PARG: variants seen among roughly 807,000 people sequenced by gnomAD.
PARG encodes mitochondrial poly(ADP-ribose) glycohydrolase.
PARG carries 35 observed loss-of-function variants against 113.0 expected under a neutral mutation model. The ratio of observed to expected loss-of-function variants is 0.31; its 90% CI spans 0.24 to 0.41. The LOEUF is 0.41. PARG is among the 10% of genes least tolerant of loss of function. The pLI is 1.00. For missense variants in PARG, 797 were observed against 1,169.4 expected, an observed-to-expected ratio of 0.68 and a Z score of 4.64; for synonymous variants, 330 against 409.9, an observed-to-expected ratio of 0.81 and a Z score of 2.36.
intron 13 of PARG, among the ~76,000 whole-genome samples, chr10:49,854,437 A>AC (rs1180534635): frequency 2.0e-5 from 3 of 152,264 alleles, no homozygotes; most frequent in Non-Finnish European, 4.4e-5. Flanking sequence ...CAATAGGCTA[A>AC]CCAAAAGCTT....
chr10:49,902,947 C>T (rs1193245552), intron 7 of PARG, among the ~76,000 whole-genome samples: 8 of 152,134 alleles, frequency 5.3e-5, no homozygotes, highest in Middle Eastern at 3.4e-3. Context: ...ATTCTCCTGC[C>T]TCAGCCTCCA....
At chr10:49,922,274 A>T in intron 6 of PARG, 62 bp downstream of exon 6, 1 of 1,534,136 alleles carries the variant, frequency 6.5e-7, no homozygotes, top group Non-Finnish European at 8.8e-7. Context: ...TTAAGACCAA[A>T]AAGTCTTTGA....
rs1338985834 is a variant in PARG at position 49,941,929 on chromosome 10, C to T, written c.-204G>A. 9.8e-7 allele frequency: 1 copy of T among 1,016,410 alleles called. No individual in the cohort carries two copies. Among genetic ancestry groups the T allele is most frequent in the African/African-American group, 1.6e-5 (1 of 63,110 alleles). 63.0% of individuals were successfully genotyped at this position (1,016,410 alleles called of 1,614,324 possible). ...GCCTGCCTTCCCTCTTCCACTGGCA[C>T]CCCACCTGCCTCAATGCGCCGCTTT... On this transcript the variant is annotated 5_prime_UTR_variant, in exon 1 of 18. It adds an upstream start codon to the 5' untranslated region. Transcript: ENST00000616448.
At position 49,853,841 on chromosome 10, in the gene PARG, T is replaced by C. The variant is rs1178662642; in HGVS notation, c.2353+3465A>G. On this transcript the variant is annotated intron_variant, in intron 13 of 17. Coordinates refer to ENST00000616448, the MANE Select transcript of PARG (RefSeq NM_003631.5). ...AGAATCACAGGGATAAAAATTTACATAGGATGTCTAAATGATGTAGAATAA... is the reference window on the plus strand; with the variant it reads ...AGAATCACAGGGATAAAAATTTACACAGGATGTCTAAATGATGTAGAATAA... 3.3e-5 allele frequency among the ~76,000 whole-genome samples: 5 copies of C among 152,320 alleles called. 1 individual carries two copies. The highest frequency in any genetic ancestry group is 9.6e-5 in the African/African-American group (4 of 41,568).
chr10:49,867,966 C>A (rs181674271), intron 10 of PARG, among the ~76,000 whole-genome samples: 5 of 152,164 alleles, frequency 3.3e-5, no homozygotes, highest in Admixed American at 3.3e-4. Flanking sequence ...TCTAATTAGA[C>A]CTAGAATAGC....
At chr10:49,911,437 T>C (rs1347462948) in intron 7 of PARG, among the ~76,000 whole-genome samples, 1 of 152,158 alleles carries the variant, frequency 6.6e-6, no homozygotes, top group East Asian at 1.9e-4. Flanking sequence ...CAGAAGTGTT[T>C]GAATTTAATT....
At chr10:49,920,475 TATATATATATATATATATATATAC>T (rs782352485) in intron 6 of PARG, among the ~76,000 whole-genome samples, 2,497 of 87,854 alleles carry the variant, frequency 0.028, 140 homozygotes, top group Non-Finnish European at 0.044. Flanking sequence ...TATATATATA[TATATATATATATATATATATATAC>T]ACACACACAC....
chr10:49,846,597 TAAAC>T (rs1293817385), intron 13 of PARG, among the ~76,000 whole-genome samples: 3 of 152,184 alleles, frequency 2.0e-5, no homozygotes, highest in Non-Finnish European at 4.4e-5. Flanking sequence ...ATATTAGGCT[TAAAC>T]AAACGAGAAA....
chr10:49,901,428 T>C lies in PARG; in HGVS notation c.1737+14489A>G. Among the ~76,000 whole-genome samples, 2 of 147,804 alleles carry C rather than the reference T, an allele frequency of 1.4e-5. 1 individual carries two copies. The highest frequency in any genetic ancestry group is 3.0e-5 in the Non-Finnish European group (2 of 66,290). Reference sequence around the variant, plus strand: ...CACACCCAGACTTAAGTAATTTTTATGGTAGTTCAAGGACAGCTTAGCACA... The same window carrying C: ...CACACCCAGACTTAAGTAATTTTTACGGTAGTTCAAGGACAGCTTAGCACA... On this transcript the variant is annotated intron_variant, in intron 7 of 17. Coordinates refer to ENST00000616448, the MANE Select transcript of PARG (RefSeq NM_003631.5).
chr10:49,821,840 A>T (rs1344851238), intron 16 of PARG, among the ~76,000 whole-genome samples: 1 of 152,230 alleles, frequency 6.6e-6, no homozygotes, highest in Admixed American at 6.5e-5. Flanking sequence ...TAAATAACAT[A>T]ACCACATTGA....
chr10:49,889,336 G>A (rs114892301), intron 7 of PARG, among the ~76,000 whole-genome samples: 1,986 of 152,234 alleles, frequency 0.013, 39 homozygotes, highest in African/African-American at 0.044. Flanking sequence ...GGCTTTCTGT[G>A]ATACTGTGCC....
At position 49,928,680 on chromosome 10, in the gene PARG, C is replaced by CT. The variant is rs565084408; in HGVS notation, c.1455+3419dup. On this transcript the variant is annotated intron_variant, in intron 4 of 17. Transcript: ENST00000616448. ...CCACCATGCCTGGCTAATTTTTTAACTTTTTGTACAGATGGGCTCTGCCTA... is the reference window on the plus strand; with the variant it reads ...CCACCATGCCTGGCTAATTTTTTAACTTTTTTGTACAGATGGGCTCTGCCTA... 1.0e-3 allele frequency among the ~76,000 whole-genome samples: 156 copies of CT among 152,278 alleles called. 3 individuals carry two copies. In the South Asian group the frequency reaches 0.029, roughly 29 times the overall value.
At chr10:49,900,837 T>C (rs1431603571) in intron 7 of PARG, among the ~76,000 whole-genome samples, 15 of 151,416 alleles carry the variant, frequency 9.9e-5, no homozygotes, top group Non-Finnish European at 1.5e-4. Context: ...CCAAACCACA[T>C]TGCTATTATG....
intron 13 of PARG, among the ~76,000 whole-genome samples, chr10:49,848,194 C>T (rs1163349503): frequency 2.9e-5 from 4 of 139,656 alleles, no homozygotes; most frequent in African/African-American, 1.1e-4. Flanking sequence ...ACTAAAAATA[C>T]AAAAATTATC....
intron 7 of PARG, among the ~76,000 whole-genome samples, chr10:49,885,902 T>TG (rs1466909835): frequency 4.6e-5 from 7 of 152,362 alleles, no homozygotes; most frequent in Non-Finnish European, 8.8e-5. Flanking sequence ...ATGCCATGCA[T>TG]GGTCCATTTT....
chr10:49,865,285 T>C, intron 11 of PARG, 36 bp downstream of exon 11: 2 of 673,236 alleles, frequency 3.0e-6, no homozygotes, highest in Non-Finnish European at 5.5e-6. Context: ...CTTCTATTTC[T>C]AGGGGGTCTA....
intron 7 of PARG, among the ~76,000 whole-genome samples, chr10:49,892,368 T>G (rs1847850049): frequency 6.6e-6 from 1 of 152,186 alleles, no homozygotes; most frequent in Admixed American, 6.5e-5. Flanking sequence ...AAACTTCTTC[T>G]GAGAACTTAG....
intron 10 of PARG, among the ~76,000 whole-genome samples, 195 bp downstream of exon 10, chr10:49,869,281 C>A (rs1218043589): frequency 1.3e-5 from 2 of 152,154 alleles, no homozygotes; most frequent in Admixed American, 1.3e-4. Flanking sequence ...ACCCCGCCCC[C>A]CTACATTTAG....
chr10:49,881,749 C>T (rs1354615372), intron 8 of PARG, among the ~76,000 whole-genome samples: 10 of 152,218 alleles, frequency 6.6e-5, no homozygotes, highest in African/African-American at 2.4e-4. Context: ...TGCAATTCAA[C>T]TATTTCTCTT....
Sources: allele counts gnomAD v4.1 joint callset (sites outside exome capture counted in the v4.1 genomes callset), GRCh38; gene constraint gnomAD v4.1.1; transcripts MANE v1.5; gene names NCBI Gene and HGNC (gene_info 2026-07-23, HGNC 2026-07-21).